Variants in TCTN1 observed in about 807,000 individuals in gnomAD.
The protein encoded by TCTN1 is tectonic-1.
TCTN1 carries 58 observed loss-of-function variants against 65.8 expected under a neutral mutation model. The ratio of observed to expected loss-of-function variants is 0.88; its 90% CI spans 0.71 to 1.10. The LOEUF (loss-of-function observed/expected upper bound fraction) is 1.10, where lower values mean the gene tolerates loss of function less well. Among genes scored for constraint, TCTN1 ranks in the 50% least tolerant of loss-of-function variants. The probability of loss-of-function intolerance (pLI) is 0.00; values close to 1 mark genes in which losing one functional copy is unlikely to be tolerated. For missense variants in TCTN1, 645 were observed against 719.4 expected (o/e 0.90, Z 1.18); for synonymous variants, 273 against 289.1 (o/e 0.94, Z 0.57).
intron 2 of TCTN1, among the ~76,000 whole-genome samples, chr12:110,623,364 AG>A: frequency 6.6e-6 from 1 of 152,154 alleles, no homozygotes; most frequent in Non-Finnish European, 1.5e-5. Context: ...TTATCCTTTA[AG>A]GCCCAGTAAA....
chr12:110,620,047 C>T, intron 2 of TCTN1, 91 bp downstream of exon 2: 1 of 1,576,702 alleles, frequency 6.3e-7, no homozygotes, highest in South Asian at 1.1e-5. Context: ...GGCTTAAAAA[C>T]CCAAACCTGA....
chr12:110,633,465 T>C (rs2066360300), intron 5 of TCTN1, among the ~76,000 whole-genome samples: 1 of 151,976 alleles, frequency 6.6e-6, no homozygotes, highest in Admixed American at 6.6e-5. Flanking sequence ...AGTGAAACCC[T>C]GTCTTTATAA....
At chr12:110,635,714 C>A (rs2066525108) in intron 6 of TCTN1, 1 of 152,200 alleles carries the variant, frequency 6.6e-6, no homozygotes. Context: ...TCCCAATTTC[C>A]TTTTTATGAG....
intron 2 of TCTN1, among the ~76,000 whole-genome samples, chr12:110,626,069 G>A (rs930241523): frequency 6.6e-6 from 1 of 150,686 alleles, no homozygotes; most frequent in Non-Finnish European, 1.5e-5. Flanking sequence ...ATTCTAATAT[G>A]CTTTCTTTTT....
intron 12 of TCTN1, chr12:110,646,108 G>A (rs919540450): frequency 1.3e-5 from 2 of 152,228 alleles, no homozygotes; most frequent in African/African-American, 2.4e-5. Context: ...ACATGGCACC[G>A]TCAGGGTCTG....
intron 4 of TCTN1, among the ~76,000 whole-genome samples, chr12:110,631,709 T>C (rs1187181799): frequency 1.3e-5 from 2 of 152,228 alleles, no homozygotes; most frequent in South Asian, 2.1e-4. Context: ...TTAACAGACA[T>C]GTTTCCAGTT....
At chr12:110,647,045 T>A in intron 12 of TCTN1, 151 bp from the exon 13 acceptor site, 1 of 894,182 alleles carries the variant, frequency 1.1e-6, no homozygotes, top group Non-Finnish European at 1.7e-6. Context: ...AAAACACGTA[T>A]ATTCTCTAAG....
At chr12:110,634,647 T>G in intron 5 of TCTN1, 23 bp from the exon 6 acceptor site, 1 of 1,565,968 alleles carries the variant, frequency 6.4e-7, no homozygotes. Context: ...TTTTTTTTCC[T>G]TGGGAATGTT....
intron 2 of TCTN1, among the ~76,000 whole-genome samples, chr12:110,623,785 G>T (rs1430916347): frequency 6.6e-6 from 1 of 151,994 alleles, no homozygotes; most frequent in African/African-American, 2.4e-5. Context: ...AGAGATCGGG[G>T]TCTGTGTTGC....
chr12:110,614,470 A>G, intron 1 of TCTN1, 68 bp downstream of exon 1: 1 of 1,550,860 alleles, frequency 6.4e-7, no homozygotes, highest in South Asian at 1.2e-5. Context: ...CCCGGTGAGG[A>G]CGTAATAATG....
At chr12:110,628,662 A>G (rs2066016348) in intron 3 of TCTN1, 105 bp from the exon 4 acceptor site, 1 of 1,020,580 alleles carries the variant, frequency 9.8e-7, no homozygotes, top group Admixed American at 2.3e-5. Flanking sequence ...TGTTTTTTAC[A>G]TCAGCCTTGA....
At chr12:110,645,484 A>G (rs2067237865) in intron 12 of TCTN1, 1 of 340,950 alleles carries the variant, frequency 2.9e-6, no homozygotes, top group Non-Finnish European at 5.7e-6. Flanking sequence ...TGCTACCATC[A>G]TTGTGATTGC....
chr12:110,640,269 T>C lies in TCTN1; in HGVS notation c.844-114T>C. On this transcript the variant is annotated intron_variant, in intron 7 of 14. Coordinates refer to ENST00000397659, the MANE Select transcript of TCTN1 (RefSeq NM_001082538.3). The surrounding 1 kb of genome is among the most constrained non-coding windows in gnomAD (Gnocchi z 4.9). ...ATAGTATATACACTGTTGTGTAGCA[T>C]GCTTCCCCCTACTTGGCCATATATC... is the stretch of plus-strand genomic sequence containing the variant. 8.1e-7 allele frequency: 1 copy of C among 1,237,866 alleles called. No individual in the cohort carries two copies. The highest frequency in any genetic ancestry group is 1.2e-6 in the Non-Finnish European group (1 of 849,556). The allele number at this position is 1,237,866 out of a possible 1,614,324, so 76.7% of individuals were successfully genotyped here.
At chr12:110,635,739 G>C (rs1299092393) in intron 6 of TCTN1, 1 of 152,324 alleles carries the variant, frequency 6.6e-6, no homozygotes, top group Non-Finnish European at 1.5e-5. Flanking sequence ...ACAGGGGTAG[G>C]GTGGTTCATG....
chr12:110,648,393 T>TAA (rs1222203916), intron 14 of TCTN1, among the ~76,000 whole-genome samples: 1 of 152,298 alleles, frequency 6.6e-6, no homozygotes, highest in Non-Finnish European at 1.5e-5. Context: ...GGAATATGCT[T>TAA]AACACATAGG....
At chr12:110,632,225 C>G (rs533991132) in intron 4 of TCTN1, among the ~76,000 whole-genome samples, 1 of 152,282 alleles carries the variant, frequency 6.6e-6, no homozygotes, top group African/African-American at 2.4e-5. Context: ...TCTCATGTAC[C>G]CTTCCAGAGG....
rs1025910384 is a variant in TCTN1 at position 110,641,871 on chromosome 12, T to TA, written c.1190+246dup. 1.2e-5 allele frequency: 7 copies of TA among 567,602 alleles called. No homozygotes were observed. The East Asian group carries it at 2.0e-4, about 17-fold the overall frequency. 35.2% of individuals were successfully genotyped at this position (567,602 alleles called of 1,614,324 possible). The stretch of plus-strand genomic sequence containing the variant: ...GGAAAATGTCAGTGTTTTTTTTTTT[T>TA]AATCTCCTTTTTTTTTTCAGCCTGC... On this transcript the variant is annotated intron_variant, in intron 10 of 14. Coordinates refer to ENST00000397659, the MANE Select transcript of TCTN1 (RefSeq NM_001082538.3).
rs577724884 is a variant in TCTN1, at chr12:110,619,976, A to T, written c.341+20A>T. The T allele has an allele frequency of 1.1e-5, 18 of 1,614,194 alleles. 1 individual carries two copies. The South Asian group carries it at 1.9e-4, about 17-fold the overall frequency. ...TGTCACGTAAGTTTACGTATGACACATGCAATTTTGAAAAAATTTGACCAG... is the reference window on the plus strand; with the variant it reads ...TGTCACGTAAGTTTACGTATGACACTTGCAATTTTGAAAAAATTTGACCAG... On this transcript the variant is annotated intron_variant, in intron 2 of 14. Coordinates refer to ENST00000397659, the MANE Select transcript of TCTN1 (RefSeq NM_001082538.3).
rs1193822645 is a variant in TCTN1, at chr12:110,647,950, G to C, written c.*1+57G>C. Reference sequence around the variant, plus strand: ...GTCATCCCCTTTGGAAAGTGTGCACGTGGGGCTAGAAGTCCCTAGGGGATA... The same window carrying C: ...GTCATCCCCTTTGGAAAGTGTGCACCTGGGGCTAGAAGTCCCTAGGGGATA... On this transcript the variant is annotated intron_variant, in intron 14 of 14. Coordinates refer to ENST00000397659, the MANE Select transcript of TCTN1 (RefSeq NM_001082538.3). 9 of 1,608,344 alleles carry C rather than the reference G, an allele frequency of 5.6e-6. No individual in the cohort carries two copies. The Admixed American group carries it at 1.5e-4, about 27-fold the overall frequency.
Sources: allele counts gnomAD v4.1 joint callset (sites outside exome capture counted in the v4.1 genomes callset), GRCh38; gene constraint gnomAD v4.1.1; non-coding constraint Gnocchi (gnomAD v3.1); transcripts MANE v1.5; gene names NCBI Gene and HGNC (gene_info 2026-07-23, HGNC 2026-07-21).